GFM1: variants seen among roughly 807,000 people sequenced by gnomAD.
GFM1 encodes G elongation factor mitochondrial 1, also known as elongation factor G, mitochondrial.
A neutral mutation model predicts 96.2 loss-of-function variants in GFM1; 62 were observed. The observed-to-expected ratio is 0.64, with a 90% CI of 0.53 to 0.80. GFM1 has a LOEUF of 0.80. GFM1 is among the 30% of genes least tolerant of loss of function. GFM1 has a pLI of 0.00. For missense variants in GFM1, 852 were observed against 916.6 expected (o/e 0.93, Z 0.91); for synonymous variants, 282 against 312.9 (o/e 0.90, Z 1.04).
At position 158,660,854 on chromosome 3, in the gene GFM1, T is replaced by G; in HGVS notation, c.1222-20T>G. 6.3e-7 allele frequency: 1 copy of G among 1,590,432 alleles called. No individual in the cohort carries two copies. The highest frequency in any genetic ancestry group is 8.6e-7 in the Non-Finnish European group (1 of 1,158,588). On this transcript the variant is annotated intron_variant, in intron 9 of 17. Transcript: ENST00000486715. ...TTTGTATTACTTGCAAATATAATTT[T>G]GTGTTATTTGTTTTTTTAGGATGTT...
intron 13 of GFM1, among the ~76,000 whole-genome samples, chr3:158,681,481 C>T (rs1411203525): frequency 6.6e-6 from 1 of 152,134 alleles, no homozygotes; most frequent in Non-Finnish European, 1.5e-5. Flanking sequence ...CGTTTTGCCA[C>T]CGATCATTTT....
At chr3:158,644,927 A>C in intron 1 of GFM1, 1 of 535,636 alleles carries the variant, frequency 1.9e-6, no homozygotes, top group Non-Finnish European at 3.4e-6. Flanking sequence ...GGTTTAATCA[A>C]CTAAAAGTGT....
chr3:158,667,029 G>A, intron 13 of GFM1: 2 of 1,596,626 alleles, frequency 1.3e-6, no homozygotes, highest in Non-Finnish European at 1.7e-6. Flanking sequence ...GCTATATTAT[G>A]AAGTAGAATG....
rs1032010806 is a variant in GFM1 at position 158,672,299 on chromosome 3, G to A, written c.1601+5913G>A. 2.5e-6 allele frequency: 4 copies of A among 1,603,788 alleles called. No homozygotes were observed. The African/African-American group carries it at 5.4e-5, about 21-fold the overall frequency. On this transcript the variant is annotated intron_variant, in intron 13 of 17. Coordinates refer to ENST00000486715, the MANE Select transcript of GFM1 (RefSeq NM_024996.7). Reference sequence around the variant, plus strand: ...AAGGCTGAGACCGCGGGTGAGTGGAGGGAGCGCAATCCTGAAGCCTCTGCT... The same window carrying A: ...AAGGCTGAGACCGCGGGTGAGTGGAAGGAGCGCAATCCTGAAGCCTCTGCT...
chr3:158,647,946 G>T (rs1576724689), intron 4 of GFM1, among the ~76,000 whole-genome samples: 1 of 151,958 alleles, frequency 6.6e-6, no homozygotes, highest in African/African-American at 2.4e-5. Flanking sequence ...CTTTTCTATG[G>T]TACTTATTCT....
chr3:158,690,460 C>A, intron 16 of GFM1, 137 bp downstream of exon 16: 1 of 806,004 alleles, frequency 1.2e-6, no homozygotes, highest in Non-Finnish European at 2.1e-6. Context: ...CTGTAATTTG[C>A]TATTAAAGCA....
intron 5 of GFM1, chr3:158,649,421 GTTTGGGTTAGTAAA>G (rs1404891559): frequency 7.2e-5 from 23 of 317,328 alleles, no homozygotes; most frequent in African/African-American, 4.8e-4. Flanking sequence ...GAGGCCTTCA[GTTTGGGTTAGTAAA>G]TTTGGGTTAG....
chr3:158,685,362 C>T (rs1341755472), intron 15 of GFM1: 1 of 152,258 alleles, frequency 6.6e-6, no homozygotes, highest in Non-Finnish European at 1.5e-5. Flanking sequence ...TTCTCTTTGT[C>T]ATCTTTTCCA....
intron 1 of GFM1, 69 bp from the exon 2 acceptor site, chr3:158,645,560 C>T: frequency 1.6e-6 from 2 of 1,279,246 alleles, no homozygotes; most frequent in Middle Eastern, 1.8e-4. Context: ...GTCCACCATA[C>T]TCCTTTTAAT....
At chr3:158,684,888 G>T in intron 15 of GFM1, 1 of 486,946 alleles carries the variant, frequency 2.1e-6, no homozygotes, top group Non-Finnish European at 3.6e-6. Flanking sequence ...ACATTCTCTG[G>T]GGCTTTCTTT....
At chr3:158,666,533 G>A (rs1723699034) in intron 13 of GFM1, 147 bp downstream of exon 13, 1 of 1,173,916 alleles carries the variant, frequency 8.5e-7, no homozygotes, top group Non-Finnish European at 1.3e-6. Flanking sequence ...CTGTAATCAA[G>A]ACATTTATAT....
chr3:158,664,733 G>A (rs9814061), intron 11 of GFM1, among the ~76,000 whole-genome samples: 63,155 of 151,932 alleles, frequency 0.42, 14,272 homozygotes, highest in African/African-American at 0.6. Flanking sequence ...CATTTGCAAA[G>A]TCCCCTTTAC....
chr3:158,645,832 T>C lies in GFM1; in HGVS notation c.234+51T>C, dbSNP rs1419093407. On this transcript the variant is annotated intron_variant, in intron 2 of 17. Coordinates refer to ENST00000486715, the MANE Select transcript of GFM1 (RefSeq NM_024996.7). ...TTAATTAGAACCAGATTTTAATTGT[T>C]TTGTTGCTATTATTTAATAAAGCTT... is the stretch of plus-strand genomic sequence containing the variant. 2.8e-6 allele frequency: 4 copies of C among 1,437,698 alleles called. No homozygotes were observed. The South Asian group carries it at 4.6e-5, about 16-fold the overall frequency. 89.1% of individuals were successfully genotyped at this position (1,437,698 alleles called of 1,614,324 possible).
At chr3:158,685,579 C>T (rs1725768176) in intron 15 of GFM1, among the ~76,000 whole-genome samples, 1 of 152,164 alleles carries the variant, frequency 6.6e-6, no homozygotes, top group Non-Finnish European at 1.5e-5. Context: ...TTTGGTCACA[C>T]TTCGCATCTG....
Position 158,692,806 on chromosome 3 carries a change from C to T in GFM1, c.*1339C>T, listed in dbSNP as rs551262524. 6.6e-6 allele frequency among the ~76,000 whole-genome samples: 1 copy of T among 152,050 alleles called. No homozygotes were observed. The highest frequency in any genetic ancestry group is 2.1e-4 in the South Asian group (1 of 4,810). ...TCCTGGGTTCAAGCAATTATCCCAT[C>T]TCAGCTGCCTAAGTAGGTGGGACTA... On this transcript the variant is annotated 3_prime_UTR_variant, in exon 18 of 18. Coordinates refer to ENST00000486715, the MANE Select transcript of GFM1 (RefSeq NM_024996.7).
At position 158,645,924 on chromosome 3, in the gene GFM1, CTTAAG is replaced by C. The variant is rs1483563407; in HGVS notation, c.234+150_234+154del. 6.0e-5 allele frequency: 54 copies of C among 901,162 alleles called. 1 individual carries two copies. The highest frequency in any genetic ancestry group is 8.2e-5 in the Non-Finnish European group (46 of 560,190). The allele number at this position is 901,162 out of a possible 1,614,324, so 55.8% of individuals were successfully genotyped here. On this transcript the variant is annotated intron_variant, in intron 2 of 17. Transcript: ENST00000486715. ...GACAGTTAGGCTTATCTGAAAGTTG[CTTAAG>C]TTAAGTATCTGTGTTCTGGTTTTAT...
chr3:158,677,589 C>G lies in GFM1; in HGVS notation c.1602-4406C>G, dbSNP rs149353914. ...GATCTCGGCTCACTACAGTGAGCCTCTGCTTCCTGGGTTCAAGCAGTTTTC... is the reference window on the plus strand; with the variant it reads ...GATCTCGGCTCACTACAGTGAGCCTGTGCTTCCTGGGTTCAAGCAGTTTTC... On this transcript the variant is annotated intron_variant, in intron 13 of 17. Transcript: ENST00000486715. Among the ~76,000 whole-genome samples the G allele has an allele frequency of 3.3e-5, 5 of 152,296 alleles. No individual in the cohort carries two copies. In the East Asian group the frequency reaches 9.7e-4, roughly 29 times the overall value.
chr3:158,652,256 T>C lies in GFM1; in HGVS notation c.840+10T>C, dbSNP rs1453197646. On this transcript the variant is annotated intron_variant, in intron 6 of 17. Transcript: ENST00000486715. The stretch of plus-strand genomic sequence containing the variant: ...GATTTCTGATTTAAAGGCAAGTGCT[T>C]TCAAAATAAGTCTTATGTTAACAAC... 1 of 1,613,406 alleles carries C rather than the reference T, an allele frequency of 6.2e-7. No individual in the cohort carries two copies. Among genetic ancestry groups the C allele is most frequent in the Non-Finnish European group, 8.5e-7 (1 of 1,179,322 alleles).
chr3:158,667,819 C>T (rs1723860044), intron 13 of GFM1, among the ~76,000 whole-genome samples: 1 of 152,110 alleles, frequency 6.6e-6, no homozygotes, highest in Non-Finnish European at 1.5e-5. Context: ...AAAACCAGAA[C>T]ACCTGAGAAT....
Sources: allele counts gnomAD v4.1 joint callset (sites outside exome capture counted in the v4.1 genomes callset), GRCh38; gene constraint gnomAD v4.1.1; transcripts MANE v1.5; gene names NCBI Gene and HGNC (gene_info 2026-07-23, HGNC 2026-07-21).